The following KIF21A variants were observed in gnomAD, a reference collection of about 807,000 sequenced individuals.
KIF21A encodes kinesin family member 21A, also known as kinesin-like protein KIF21A.
In KIF21A, 114 loss-of-function variants were observed where a neutral mutation model predicts 202.9. The observed-to-expected ratio is 0.56, with a 90% CI of 0.48 to 0.66. The LOEUF is 0.66. KIF21A is among the 30% of genes least tolerant of loss of function. KIF21A has a pLI of 0.00. For missense variants in KIF21A, 1,677 were observed against 1,994.9 expected, an observed-to-expected ratio of 0.84 and a Z score of 3.04; for synonymous variants, 667 against 670.8, an observed-to-expected ratio of 0.99 and a Z score of 0.09.
rs372694624 is a variant in KIF21A, at chr12:39,337,464, C to T, written c.2311-261G>A. 782 of 421,216 alleles carry T rather than the reference C, an allele frequency of 1.9e-3. 11 individuals carry two copies. The highest frequency in any genetic ancestry group is 9.6e-3 in the South Asian group (386 of 40,368). 26.1% of individuals were successfully genotyped at this position (421,216 alleles called of 1,614,324 possible). On this transcript the variant is annotated intron_variant, in intron 16 of 37. Coordinates refer to ENST00000361418, the MANE Select transcript of KIF21A (RefSeq NM_001173464.2). Reference sequence around the variant, plus strand: ...TGTTCTGCAACTTGAAATCTTGATACTTAGCTTACTATCAGTAGCTGTGTG... The same window carrying T: ...TGTTCTGCAACTTGAAATCTTGATATTTAGCTTACTATCAGTAGCTGTGTG...
intron 32 of KIF21A, 26 bp downstream of exon 32, chr12:39,311,391 T>C (rs1223173153): frequency 1.2e-6 from 2 of 1,602,652 alleles, no homozygotes; most frequent in Admixed American, 1.7e-5. Flanking sequence ...AGCTATTAAA[T>C]ATCTGCATTA....
At chr12:39,408,063 A>T (rs989952429) in intron 1 of KIF21A, among the ~76,000 whole-genome samples, 9 of 152,162 alleles carry the variant, frequency 5.9e-5, no homozygotes, top group Admixed American at 1.3e-4. Context: ...GAGGATTTTT[A>T]AAAAACTTAC....
rs1943114818 is a variant in KIF21A, at chr12:39,303,031, G to A, written c.4665C>T (p.Asn1555=). Residue 1555 remains asparagine (N), a synonymous_variant, in exon 36 of 38, where the codon AAC becomes AAT. Coordinates refer to ENST00000361418, the MANE Select transcript of KIF21A (RefSeq NM_001173464.2). The stretch of plus-strand genomic sequence containing the variant: ...CATTATCTCTAGACCCACTAAATAG[G>A]TTATCCCCTTGAATGGTTAGTGCTT... ...GIEALTIQGD[N]LFSGSRDNGI... 2 of 1,613,892 alleles carry A rather than the reference G, an allele frequency of 1.2e-6. No homozygotes were observed. Among genetic ancestry groups the A allele is most frequent in the Non-Finnish European group, 1.7e-6 (2 of 1,179,846 alleles).
chr12:39,355,268 CAGA>C (rs1948679158), intron 10 of KIF21A, among the ~76,000 whole-genome samples: 2 of 152,120 alleles, frequency 1.3e-5, no homozygotes, highest in African/African-American at 4.8e-5. Context: ...TTTTAGCCAC[CAGA>C]AGGAGTGGAA....
At chr12:39,342,222 A>G in intron 12 of KIF21A, 98 bp from the exon 13 acceptor site, 1 of 845,340 alleles carries the variant, frequency 1.2e-6, no homozygotes, top group East Asian at 2.6e-5. Context: ...GATTTGTGAA[A>G]ACAAACTTTA....
intron 1 of KIF21A, among the ~76,000 whole-genome samples, chr12:39,377,358 C>T (rs1166447460): frequency 6.6e-6 from 1 of 152,112 alleles, no homozygotes; most frequent in Non-Finnish European, 1.5e-5. Context: ...CCTTCCATTT[C>T]CCCAAAATTA....
At chr12:39,372,975 T>C (rs1950055260) in intron 1 of KIF21A, among the ~76,000 whole-genome samples, 1 of 152,144 alleles carries the variant, frequency 6.6e-6, no homozygotes, top group African/African-American at 2.4e-5. Context: ...GCCCACCAAG[T>C]TATTTCCTCC....
chr12:39,361,722 G>T (rs1949245906), intron 7 of KIF21A, among the ~76,000 whole-genome samples: 1 of 152,012 alleles, frequency 6.6e-6, no homozygotes, highest in South Asian at 2.1e-4. Flanking sequence ...TAGCCAGGAT[G>T]GTCTTGATCT....
intron 32 of KIF21A, among the ~76,000 whole-genome samples, chr12:39,310,741 G>C (rs1943947662): frequency 6.6e-6 from 1 of 151,920 alleles, no homozygotes; most frequent in Non-Finnish European, 1.5e-5. Flanking sequence ...TCATAGCTGG[G>C]CATAATTCCT....
At position 39,325,866 on chromosome 12, in the gene KIF21A, A is replaced by C. The variant is rs755638322; in HGVS notation, c.3429T>G (p.Leu1143=). Residue 1143 remains leucine, a synonymous_variant, in exon 26 of 38, where the codon CTT becomes CTG. Coordinates refer to ENST00000361418, the MANE Select transcript of KIF21A (RefSeq NM_001173464.2). ...GSTLSSDLMK[L]CGEVKPKNKA... ...TGTTCTTAGGTTTCACTTCACCACA[A>C]AGCTTCATGAGATCTGAAGACAGCG... 23 of 1,612,520 alleles carry C rather than the reference A, an allele frequency of 1.4e-5. No homozygotes were observed. Among genetic ancestry groups the C allele is most frequent in the Non-Finnish European group, 1.9e-5 (22 of 1,178,850 alleles).
At position 39,346,483 on chromosome 12, in the gene KIF21A, G is replaced by A; in HGVS notation, c.1695C>T (p.Ser565=). 6.8e-7 allele frequency: 1 copy of A among 1,478,212 alleles called. No individual in the cohort carries two copies. Among genetic ancestry groups the A allele is most frequent in the Non-Finnish European group, 8.9e-7 (1 of 1,117,668 alleles). 91.6% of individuals were successfully genotyped at this position (1,478,212 alleles called of 1,614,324 possible). Residue 565 remains serine, a synonymous_variant, in exon 12 of 38, where the codon AGC becomes AGT. Transcript: ENST00000361418. ...KKKRLQKLEE[S]NREERSVAGK... is the part of the protein sequence containing the mutation. ...ATTCCAACCTTCTTTCTTCTCGATTGCTTTCCTCAAGTTTCTGTAGCCTTC... is the reference window on the plus strand; with the variant it reads ...ATTCCAACCTTCTTTCTTCTCGATTACTTTCCTCAAGTTTCTGTAGCCTTC...
chr12:39,397,286 A>G (rs868336705), intron 1 of KIF21A, among the ~76,000 whole-genome samples: 3 of 152,198 alleles, frequency 2.0e-5, no homozygotes, highest in African/African-American at 7.2e-5. Context: ...AAGAACCACA[A>G]TTGATGGGAA....
intron 27 of KIF21A, chr12:39,321,630 CA>C (rs1310570456): frequency 6.6e-6 from 1 of 152,126 alleles, no homozygotes; most frequent in African/African-American, 2.4e-5. Flanking sequence ...AATTCTGGAA[CA>C]AAAGGTAGCA....
intron 32 of KIF21A, among the ~76,000 whole-genome samples, chr12:39,310,597 C>T (rs1943932166): frequency 1.3e-5 from 2 of 152,040 alleles, no homozygotes; most frequent in African/African-American, 4.8e-5. Context: ...AGTTTCCAAA[C>T]ATGCTCCACT....
rs771638569 is a variant in KIF21A, at chr12:39,318,192, A to G, written c.3789T>C (p.Ser1263=). The change falls in exon 29 of 38, where the codon TCT becomes TCC. Residue 1263 remains serine (S), a synonymous_variant. Transcript: ENST00000361418. The part of the protein sequence containing the change: ...SKAKEQKHSD[S]GTSEASLSPP... ...GTGAAAGACTAGCCTCTGAAGTTCC[A>G]GAATCTGAGCTACAAGAAAAAAAGA... 1.2e-6 allele frequency: 2 copies of G among 1,613,324 alleles called. No homozygotes were observed. The highest frequency in any genetic ancestry group is 2.2e-5 in the East Asian group (1 of 44,826).
Position 39,317,400 on chromosome 12 carries a change from T to A in KIF21A, c.3908+673A>T, listed in dbSNP as rs191478363. On this transcript the variant is annotated intron_variant, in intron 29 of 37. Transcript: ENST00000361418. ...GACAAGTCAGAGTTAATAAATACCT[T>A]ATGGCAGTATTGTTAGTATGGCATT... Among the ~76,000 whole-genome samples the A allele has an allele frequency of 3.2e-4, 48 of 152,228 alleles. 1 individual carries two copies. Among genetic ancestry groups the A allele is most frequent in the African/African-American group, 1.1e-3 (46 of 41,556 alleles).
At chr12:39,336,161 C>A (rs1946947488) in intron 17 of KIF21A, among the ~76,000 whole-genome samples, 2 of 152,186 alleles carry the variant, frequency 1.3e-5, no homozygotes, top group South Asian at 4.1e-4. Flanking sequence ...TCAAAGCAAT[C>A]CTCCGGCCTC....
chr12:39,368,112 C>A, intron 3 of KIF21A, 80 bp from the exon 4 acceptor site: 1 of 841,146 alleles, frequency 1.2e-6, no homozygotes, highest in Non-Finnish European at 1.9e-6. Context: ...CATAATGATT[C>A]CTTCATACAG....
At chr12:39,375,223 G>T (rs1950196301) in intron 1 of KIF21A, among the ~76,000 whole-genome samples, 1 of 152,100 alleles carries the variant, frequency 6.6e-6, no homozygotes. Flanking sequence ...TAAAACAAAA[G>T]TTTTAAAATA....
Sources: gnomAD v4.1 joint callset for allele counts (sites outside exome capture counted in the v4.1 genomes callset) on GRCh38, gnomAD v4.1.1 for gene constraint, MANE v1.5 for transcripts, NCBI Gene and HGNC (gene_info 2026-07-23, HGNC 2026-07-21) for gene names.